Variants in FREM2 observed in about 807,000 individuals in gnomAD.
FREM2 encodes FRAS1 related extracellular matrix 2, also known as FRAS1-related extracellular matrix protein 2.
A neutral mutation model predicts 219.9 loss-of-function variants in FREM2; 119 were observed. The observed-to-expected ratio is 0.54, with a 90% CI of 0.47 to 0.63. The LOEUF is 0.63. Among genes scored for constraint, FREM2 ranks in the 30% least tolerant of loss-of-function variants. The probability of loss-of-function intolerance (pLI) is 0.00; values close to 1 mark genes in which losing one functional copy is unlikely to be tolerated. For synonymous variants in FREM2, 1,562 were observed against 1,522.8 expected (o/e 1.03, Z -0.60); for missense variants, 4,030 against 3,993.6 (o/e 1.01, Z -0.25).
At chr13:38,783,867 C>G (rs1256888933) in intron 5 of FREM2, among the ~76,000 whole-genome samples, 1 of 152,110 alleles carries the variant, frequency 6.6e-6, no homozygotes, top group Non-Finnish European at 1.5e-5. Context: ...GAGGCCGAGG[C>G]GGGTGGATCA....
intron 16 of FREM2, 85 bp downstream of exon 16, chr13:38,864,691 CCA>C (rs1877895141): frequency 1.7e-6 from 2 of 1,172,856 alleles, no homozygotes; most frequent in South Asian, 2.5e-5. Context: ...AGTCCCAACT[CCA>C]GTTTTCCATC....
intron 6 of FREM2, among the ~76,000 whole-genome samples, chr13:38,831,535 G>A (rs1251572438): frequency 1.3e-5 from 2 of 151,694 alleles, no homozygotes; most frequent in Non-Finnish European, 2.9e-5. Flanking sequence ...TAGTTGACAA[G>A]AAAAAGAAAT....
intron 11 of FREM2, among the ~76,000 whole-genome samples, chr13:38,852,959 TCC>T (rs1197215676): frequency 5.9e-5 from 9 of 151,798 alleles, no homozygotes; most frequent in African/African-American, 1.9e-4. Flanking sequence ...GCCCACCTTG[TCC>T]TCCCAAAGTG....
intron 6 of FREM2, among the ~76,000 whole-genome samples, chr13:38,842,312 C>T (rs1566162804): frequency 6.6e-6 from 1 of 152,106 alleles, no homozygotes; most frequent in Non-Finnish European, 1.5e-5. Context: ...GAGGGATGAC[C>T]ACTTTCCTTA....
At chr13:38,875,332 C>G (rs1473151608) in intron 18 of FREM2, among the ~76,000 whole-genome samples, 1 of 151,890 alleles carries the variant, frequency 6.6e-6, no homozygotes, top group Non-Finnish European at 1.5e-5. Context: ...TTTTCTTTTT[C>G]TGGACTTGAA....
chr13:38,731,338 A>C (rs1381092421), intron 2 of FREM2, among the ~76,000 whole-genome samples: 10 of 152,244 alleles, frequency 6.6e-5, no homozygotes, highest in Admixed American at 2.0e-4. Flanking sequence ...ATTGGCTTTT[A>C]AAACAGCATA....
intron 21 of FREM2, among the ~76,000 whole-genome samples, chr13:38,877,792 A>C (rs192321252): frequency 1.7e-4 from 26 of 152,362 alleles, no homozygotes; most frequent in Admixed American, 1.4e-3. Context: ...GTATCAGTAT[A>C]TATCTTATCA....
In FREM2 at chr13:38,851,809, G is replaced by A. The variant is rs777079243; in HGVS notation, c.6866G>A (p.Arg2289Lys). 1 of 1,613,998 alleles carries A rather than the reference G, an allele frequency of 6.2e-7. No homozygotes were observed. The highest frequency in any genetic ancestry group is 8.5e-7 in the Non-Finnish European group (1 of 1,179,944). The change falls in exon 11 of 24, where the codon AGA becomes AAA. Residue 2289 changes from arginine to lysine, a missense_variant. By Grantham distance (26) the Arg-to-Lys change is conservative. Transcript: ENST00000280481. ...QGDTSKVSIV[R>K]VHTKDGSATS... ...GACACTTCAAAGGTTTCCATTGTGA[G>A]AGTCCACACCAAGGATGGCTCGGCC...
At chr13:38,732,371 T>C (rs1271874530) in intron 2 of FREM2, among the ~76,000 whole-genome samples, 1 of 152,218 alleles carries the variant, frequency 6.6e-6, no homozygotes, top group African/African-American at 2.4e-5. Context: ...TGCTGCTTAA[T>C]AGTAAAATAT....
chr13:38,817,917 A>G (rs1429193228), intron 6 of FREM2, among the ~76,000 whole-genome samples: 1 of 152,062 alleles, frequency 6.6e-6, no homozygotes, highest in East Asian at 1.9e-4. Context: ...AAGACATACA[A>G]ATGACAAACA....
intron 6 of FREM2, among the ~76,000 whole-genome samples, chr13:38,825,085 T>C (rs916511501): frequency 1.3e-5 from 2 of 152,146 alleles, no homozygotes; most frequent in Non-Finnish European, 2.9e-5. Flanking sequence ...CTCATAGGGT[T>C]GTTATACAGA....
intron 6 of FREM2, among the ~76,000 whole-genome samples, chr13:38,838,306 G>C (rs1319731795): frequency 1.3e-5 from 2 of 152,146 alleles, no homozygotes; most frequent in Admixed American, 6.6e-5. Flanking sequence ...CTTCTGGCTT[G>C]TAGCATTTCT....
chr13:38,792,168 G>A (rs1335860205), intron 6 of FREM2, among the ~76,000 whole-genome samples: 1 of 152,116 alleles, frequency 6.6e-6, no homozygotes, highest in African/African-American at 2.4e-5. Flanking sequence ...CCAACATGGT[G>A]AAACTGCATC....
rs374886536 is a variant in FREM2 at position 38,877,104 on chromosome 13, C to T, written c.8545-13C>T. 2.0e-5 allele frequency: 33 copies of T among 1,613,866 alleles called. No homozygotes were observed. The highest frequency in any genetic ancestry group is 2.7e-5 in the Non-Finnish European group (32 of 1,179,902). ...CCACTGATGCATAAAAGAACTTTTA[C>T]CTTTGGTTTTAGGTCAGTGATCCAG... is the stretch of plus-strand genomic sequence containing the variant. On this transcript the variant is annotated splice_polypyrimidine_tract_variant and intron_variant, in intron 20 of 23. Coordinates refer to ENST00000280481, the MANE Select transcript of FREM2 (RefSeq NM_207361.6).
chr13:38,859,138 A>C (rs1293365336), intron 13 of FREM2, 149 bp from the exon 14 acceptor site: 2 of 708,338 alleles, frequency 2.8e-6, no homozygotes, highest in African/African-American at 1.7e-5. Flanking sequence ...AAATGTTATC[A>C]TGCCTGGGGA....
intron 2 of FREM2, among the ~76,000 whole-genome samples, chr13:38,726,859 C>T (rs1435795579): frequency 1.3e-5 from 2 of 152,180 alleles, no homozygotes; most frequent in African/African-American, 2.4e-5. Flanking sequence ...GTACTTACAG[C>T]TGTTGCTGCA....
intron 2 of FREM2, among the ~76,000 whole-genome samples, chr13:38,716,788 G>A (rs1209888279): frequency 2.0e-5 from 3 of 152,242 alleles, no homozygotes; most frequent in Non-Finnish European, 4.4e-5. Context: ...GATTATAGGC[G>A]TGAGCCACCG....
At chr13:38,696,289 T>G (rs1289780458) in intron 1 of FREM2, among the ~76,000 whole-genome samples, 2 of 152,202 alleles carry the variant, frequency 1.3e-5, no homozygotes, top group African/African-American at 4.8e-5. Flanking sequence ...CTTTCAAAAC[T>G]TTATGAGCCA....
intron 9 of FREM2, among the ~76,000 whole-genome samples, chr13:38,850,563 T>C (rs1288051077): frequency 1.3e-5 from 2 of 152,248 alleles, no homozygotes; most frequent in Non-Finnish European, 2.9e-5. Context: ...AAGTTAATAA[T>C]ACTAGAAACT....
Sources: gnomAD v4.1 joint callset for allele counts (sites outside exome capture counted in the v4.1 genomes callset) on GRCh38, gnomAD v4.1.1 for gene constraint, MANE v1.5 for transcripts, NCBI Gene and HGNC (gene_info 2026-07-23, HGNC 2026-07-21) for gene names.